SLC25A26: variants seen among roughly 807,000 people sequenced by gnomAD.
SLC25A26 encodes the protein mitochondrial S-adenosylmethionine carrier protein.
In SLC25A26, 36 loss-of-function variants were observed where a neutral mutation model predicts 37.8. The observed-to-expected ratio is 0.95, with a 90% CI of 0.73 to 1.26. The LOEUF (loss-of-function observed/expected upper bound fraction) is 1.26, where lower values mean the gene tolerates loss of function less well. Among genes scored for constraint, SLC25A26 ranks in the 50% most tolerant of loss-of-function variants. The probability of loss-of-function intolerance (pLI) is 0.00; values close to 1 mark genes in which losing one functional copy is unlikely to be tolerated. For missense variants in SLC25A26, 390 were observed against 331.1 expected (o/e 1.18, Z -1.38); for synonymous variants, 129 against 122.5 (o/e 1.05, Z -0.35).
intron 5 of SLC25A26, among the ~76,000 whole-genome samples, chr3:66,283,690 T>C (rs2074418257): frequency 6.6e-6 from 1 of 152,236 alleles, no homozygotes; most frequent in South Asian, 2.1e-4. Context: ...TGTGTAATAA[T>C]ACCCCATAAT....
chr3:66,314,694 T>C (rs2075481090), intron 5 of SLC25A26, among the ~76,000 whole-genome samples: 1 of 152,120 alleles, frequency 6.6e-6, no homozygotes, highest in Admixed American at 6.6e-5. Context: ...GAAGAAAGAG[T>C]ATCAGCTCCT....
chr3:66,273,486 T>C (rs568809314), intron 5 of SLC25A26, among the ~76,000 whole-genome samples: 4 of 152,200 alleles, frequency 2.6e-5, no homozygotes, highest in African/African-American at 7.2e-5. Context: ...GTCGACATGA[T>C]TGTATATCTA....
intron 1 of SLC25A26, among the ~76,000 whole-genome samples, chr3:66,209,240 C>T (rs1257897553): frequency 1.5e-5 from 2 of 129,470 alleles, no homozygotes; most frequent in South Asian, 2.6e-4. Flanking sequence ...AACGATATAC[C>T]CATATAAAGG....
At chr3:66,332,638 C>A (rs1188508231) in intron 5 of SLC25A26, among the ~76,000 whole-genome samples, 1 of 152,084 alleles carries the variant, frequency 6.6e-6, no homozygotes, top group Admixed American at 6.6e-5. Flanking sequence ...TCTTGAACTC[C>A]TGAACTCAAG....
chr3:66,210,359 C>A (rs1393135642), intron 1 of SLC25A26, among the ~76,000 whole-genome samples: 1 of 152,008 alleles, frequency 6.6e-6, no homozygotes, highest in East Asian at 1.9e-4. Flanking sequence ...AAGGAAAAGA[C>A]AATCTCCCTT....
intron 5 of SLC25A26, among the ~76,000 whole-genome samples, chr3:66,313,528 C>T (rs1295607522): frequency 5.9e-5 from 9 of 152,010 alleles, no homozygotes; most frequent in South Asian, 2.1e-4. Flanking sequence ...TGTAGCCTTG[C>T]GGTATATTTT....
intron 5 of SLC25A26, among the ~76,000 whole-genome samples, chr3:66,279,836 T>C (rs1174693686): frequency 1.3e-5 from 2 of 152,230 alleles, no homozygotes; most frequent in Non-Finnish European, 2.9e-5. Flanking sequence ...TGTAAGTCTT[T>C]CCTATTATCA....
chr3:66,295,318 G>T (rs991950926), intron 5 of SLC25A26, among the ~76,000 whole-genome samples: 11 of 152,038 alleles, frequency 7.2e-5, no homozygotes, highest in African/African-American at 2.7e-4. Flanking sequence ...CTGCCTCCCG[G>T]GTTCAAGCAA....
At chr3:66,243,929 A>T (rs1206217113) in intron 3 of SLC25A26, among the ~76,000 whole-genome samples, 3 of 152,282 alleles carry the variant, frequency 2.0e-5, no homozygotes, top group Middle Eastern at 3.4e-3. Context: ...GTGCCAGCTT[A>T]TACTGCAAAT....
At chr3:66,203,669 GAA>G (rs1268342987) in intron 1 of SLC25A26, among the ~76,000 whole-genome samples, 1 of 151,990 alleles carries the variant, frequency 6.6e-6, no homozygotes. Context: ...TATGTCTAGA[GAA>G]AAAAAGAAAA....
chr3:66,277,846 C>T (rs995591141), intron 5 of SLC25A26, among the ~76,000 whole-genome samples: 7 of 151,894 alleles, frequency 4.6e-5, no homozygotes, highest in African/African-American at 1.7e-4. Context: ...GGTCTTCTTG[C>T]CAAAGATGCA....
At chr3:66,342,232 C>G (rs567414188) in intron 5 of SLC25A26, among the ~76,000 whole-genome samples, 2 of 152,202 alleles carry the variant, frequency 1.3e-5, no homozygotes, top group East Asian at 3.9e-4. Flanking sequence ...AACTAGAGGT[C>G]TTGCACACGG....
At chr3:66,369,615 A>G (rs1262922627) in intron 8 of SLC25A26, 73 bp downstream of exon 8, 27 of 1,290,846 alleles carry the variant, frequency 2.1e-5, no homozygotes, top group Non-Finnish European at 2.7e-5. Context: ...ACAGGTGTAT[A>G]AAGTGAACAC....
At chr3:66,165,547 G>A (rs557170688) in intron 1 of SLC25A26, among the ~76,000 whole-genome samples, 58 of 152,104 alleles carry the variant, frequency 3.8e-4, no homozygotes, top group Middle Eastern at 3.4e-3. Flanking sequence ...GGTGATGAGG[G>A]AAACAGCTGG....
At chr3:66,310,106 G>A (rs2075334876) in intron 5 of SLC25A26, among the ~76,000 whole-genome samples, 2 of 152,132 alleles carry the variant, frequency 1.3e-5, no homozygotes, top group Non-Finnish European at 2.9e-5. Context: ...AGGTGTTAAA[G>A]TCTCCCACTA....
Position 66,346,056 on chromosome 3 carries a change from G to T in SLC25A26, c.454-308G>T, listed in dbSNP as rs332355. On this transcript the variant is annotated intron_variant, in intron 5 of 9. Transcript: ENST00000354883. The stretch of plus-strand genomic sequence containing the variant: ...GAAAATATACAAAAATTAGCTGGGT[G>T]TGGTGGCGTGTGCCTGTAGTCCCAG... 0.051 allele frequency among the ~76,000 whole-genome samples: 7,746 copies of T among 152,230 alleles called. 225 individuals carry two copies. The highest frequency in any genetic ancestry group is 0.064 in the African/African-American group (2,666 of 41,534).
At chr3:66,313,499 A>G (rs999276599) in intron 5 of SLC25A26, among the ~76,000 whole-genome samples, 3 of 152,318 alleles carry the variant, frequency 2.0e-5, no homozygotes, top group African/African-American at 7.2e-5. Flanking sequence ...TTGTAGCAGT[A>G]CCATGCTGTT....
chr3:66,271,372 C>T (rs1009890367), intron 5 of SLC25A26, among the ~76,000 whole-genome samples: 1 of 152,142 alleles, frequency 6.6e-6, no homozygotes, highest in Non-Finnish European at 1.5e-5. Flanking sequence ...CAGTCTCTTT[C>T]ATTTTGCCTG....
intron 1 of SLC25A26, among the ~76,000 whole-genome samples, chr3:66,168,177 G>GTATATATACGTGTATATA (rs1440481174): frequency 1.3e-5 from 1 of 79,360 alleles, no homozygotes; most frequent in African/African-American, 5.1e-5. Context: ...ATATATATAT[G>GTATATATACGTGTATATA]TGTGTGTGTA....
Sources: allele counts gnomAD v4.1 joint callset (sites outside exome capture counted in the v4.1 genomes callset), GRCh38; gene constraint gnomAD v4.1.1; transcripts MANE v1.5; gene names NCBI Gene and HGNC (gene_info 2026-07-23, HGNC 2026-07-21).